CSMD2: variants seen among roughly 807,000 people sequenced by gnomAD.
CSMD2 encodes the protein CUB and sushi domain-containing protein 2.
In CSMD2, 130 loss-of-function variants were observed where a neutral mutation model predicts 398.5. That is an observed-to-expected ratio of 0.33 (90% CI 0.28 to 0.38). The LOEUF is 0.38. Among genes scored for constraint, CSMD2 ranks in the 10% least tolerant of loss-of-function variants. The pLI, the probability that CSMD2 is intolerant of heterozygous loss-of-function variation, is 1.00. For synonymous variants in CSMD2, 1,828 were observed against 1,908.5 expected (o/e 0.96, Z 1.10); for missense variants, 3,829 against 4,764.9 (o/e 0.80, Z 5.78).
intron 9 of CSMD2, 78 bp from the exon 10 acceptor site, chr1:33,810,942 G>A (rs969803583): frequency 6.6e-7 from 1 of 1,511,102 alleles, no homozygotes; most frequent in Non-Finnish European, 9.1e-7. Flanking sequence ...TCCCCACCCA[G>A]AAGACACTGC....
chr1:33,959,606 C>T (rs970945748), intron 3 of CSMD2, among the ~76,000 whole-genome samples: 14 of 152,190 alleles, frequency 9.2e-5, no homozygotes, highest in African/African-American at 1.9e-4. Flanking sequence ...GCTCACCCTG[C>T]CCCCTCTCCC....
chr1:34,154,097 A>G (rs1206871235), intron 1 of CSMD2, among the ~76,000 whole-genome samples: 1 of 152,244 alleles, frequency 6.6e-6, no homozygotes, highest in Non-Finnish European at 1.5e-5. Context: ...TAAATAGGTA[A>G]TTCAGAAGAA....
At chr1:34,022,824 T>C (rs1359999593) in intron 3 of CSMD2, among the ~76,000 whole-genome samples, 1 of 152,088 alleles carries the variant, frequency 6.6e-6, no homozygotes, top group Non-Finnish European at 1.5e-5. Flanking sequence ...ATTTCCATTG[T>C]TGTTGTTGGT....
intron 3 of CSMD2, among the ~76,000 whole-genome samples, chr1:33,960,898 T>C (rs533665644): frequency 5.2e-4 from 79 of 152,334 alleles, no homozygotes; most frequent in African/African-American, 1.7e-3. Flanking sequence ...TCAGGAAGCA[T>C]GTCCATGGCA....
At chr1:34,010,663 G>A (rs568275883) in intron 3 of CSMD2, among the ~76,000 whole-genome samples, 1 of 151,788 alleles carries the variant, frequency 6.6e-6, no homozygotes, top group Admixed American at 6.6e-5. Context: ...CTGTAACCCA[G>A]GTTGGAGTGC....
intron 3 of CSMD2, among the ~76,000 whole-genome samples, chr1:33,983,334 C>T (rs186689831): frequency 6.6e-6 from 1 of 152,334 alleles, no homozygotes; most frequent in Non-Finnish European, 1.5e-5. Context: ...TCACCTGCCT[C>T]TCCCCTCCTT....
At chr1:33,820,601 A>C in intron 7 of CSMD2, 45 bp from the exon 8 acceptor site, 1 of 1,335,898 alleles carries the variant, frequency 7.5e-7, no homozygotes. Flanking sequence ...GCACACACAG[A>C]GATGGACAGT....
chr1:34,069,988 A>G (rs1655536105), intron 2 of CSMD2, among the ~76,000 whole-genome samples: 1 of 152,228 alleles, frequency 6.6e-6, no homozygotes, highest in South Asian at 2.1e-4. Flanking sequence ...CTCCCCCTTC[A>G]TAATTACTCC....
chr1:33,871,686 G>A (rs752504272), intron 5 of CSMD2, among the ~76,000 whole-genome samples: 10 of 152,232 alleles, frequency 6.6e-5, no homozygotes, highest in South Asian at 2.1e-4. Context: ...GCGTGATCTC[G>A]GCTCACTACA....
chr1:33,745,771 G>A (rs1247582860), intron 13 of CSMD2, among the ~76,000 whole-genome samples: 1 of 152,136 alleles, frequency 6.6e-6, no homozygotes, highest in African/African-American at 2.4e-5. Flanking sequence ...GGGAGAGAAG[G>A]ACATGAAAAG....
chr1:33,606,609 C>G (rs1640630044), intron 41 of CSMD2, among the ~76,000 whole-genome samples: 1 of 152,212 alleles, frequency 6.6e-6, no homozygotes, highest in African/African-American at 2.4e-5. Context: ...CAACGAAAGT[C>G]TCAGCGGAAG....
rs758320558 is a variant in CSMD2, at chr1:33,519,909, G to C, written c.10639C>G (p.His3547Asp). Residue 3547 changes from histidine (H) to aspartate (D), a missense_variant, in exon 69 of 71, where the codon CAC (histidine) becomes GAC (aspartate). Physicochemically the swap from His to Asp is moderately conservative, Grantham distance 81. Coordinates refer to ENST00000373381, the MANE Select transcript of CSMD2 (RefSeq NM_001281956.2). This position sits in a 1 kb window ranked among gnomAD's most constrained non-coding sequence, Gnocchi z 5.6. The stretch of plus-strand genomic sequence containing the variant: ...ACTGAGCTGCTGTTGGAAGCAAAGT[G>C]GCGGCCAATGGACTCGGGGTCTGAC... ...LESDPESIGRHFASNSSSVAA... is the reference protein window; with the variant it reads ...LESDPESIGRDFASNSSSVAA... The C allele has an allele frequency of 2.6e-5, 42 of 1,614,048 alleles. No homozygotes were observed. In the East Asian group the frequency reaches 8.9e-4, roughly 34 times the overall value.
At chr1:33,602,168 C>T (rs1156793520) in intron 43 of CSMD2, among the ~76,000 whole-genome samples, 2 of 152,248 alleles carry the variant, frequency 1.3e-5, no homozygotes, top group East Asian at 1.9e-4. Flanking sequence ...CCTCCCATTC[C>T]TCTCCCTTTA....
intron 1 of CSMD2, among the ~76,000 whole-genome samples, chr1:34,162,585 G>A (rs945408292): frequency 3.9e-5 from 6 of 152,122 alleles, no homozygotes; most frequent in African/African-American, 1.2e-4. Flanking sequence ...TGGGCTGGGC[G>A]CGGTGGCTCA....
At chr1:33,647,518 A>G (rs536629979) in intron 28 of CSMD2, among the ~76,000 whole-genome samples, 4 of 152,362 alleles carry the variant, frequency 2.6e-5, no homozygotes, top group Admixed American at 6.5e-5. Flanking sequence ...TGGAAAATGC[A>G]TATTACGAAA....
At chr1:33,690,920 T>C (rs1201612059) in intron 25 of CSMD2, among the ~76,000 whole-genome samples, 1 of 152,110 alleles carries the variant, frequency 6.6e-6, no homozygotes, top group Non-Finnish European at 1.5e-5. Context: ...ATCAGGAAAA[T>C]ATATGCAACA....
At chr1:33,672,829 G>A (rs527708738) in intron 25 of CSMD2, among the ~76,000 whole-genome samples, 1 of 152,196 alleles carries the variant, frequency 6.6e-6, no homozygotes, top group South Asian at 2.1e-4. Flanking sequence ...TGCAGCCACC[G>A]CTGCTGATAC....
chr1:33,870,463 A>G (rs987862064), intron 5 of CSMD2: 2 of 152,152 alleles, frequency 1.3e-5, no homozygotes, highest in African/African-American at 4.8e-5. Flanking sequence ...CAGTGACACA[A>G]TGAACATTTC....
intron 10 of CSMD2, among the ~76,000 whole-genome samples, chr1:33,800,120 CCT>C (rs1655417908): frequency 6.6e-6 from 1 of 152,222 alleles, no homozygotes; most frequent in African/African-American, 2.4e-5. Context: ...TCTTTGAGCC[CCT>C]GAGGGCTGAC....
Sources: gnomAD v4.1 joint callset for allele counts (sites outside exome capture counted in the v4.1 genomes callset) on GRCh38, gnomAD v4.1.1 for gene constraint, Gnocchi (gnomAD v3.1) non-coding constraint, MANE v1.5 for transcripts, NCBI Gene and HGNC (gene_info 2026-07-23, HGNC 2026-07-21) for gene names.